The following ZDHHC2 variants were observed in gnomAD, a reference collection of about 807,000 sequenced individuals.
The protein encoded by ZDHHC2 is palmitoyltransferase ZDHHC2.
Under a neutral mutation model 55.6 loss-of-function variants are expected in ZDHHC2, and 51 were observed. The ratio of observed to expected loss-of-function variants is 0.92; its 90% CI spans 0.73 to 1.16. The LOEUF is 1.16. Ranked by LOEUF, ZDHHC2 falls within the 50% of genes most tolerant of loss-of-function variation. The pLI is 0.00. For missense variants in ZDHHC2, 491 were observed against 442.4 expected (o/e 1.11, Z -0.99); for synonymous variants, 199 against 152.9 (o/e 1.30, Z -2.22).
At chr8:17,157,571 T>C (rs549394921) in intron 1 of ZDHHC2, 1 of 152,320 alleles carries the variant, frequency 6.6e-6, no homozygotes, top group Admixed American at 6.5e-5. Flanking sequence ...GGTTCCTGAA[T>C]TGGTGGGTAG....
intron 2 of ZDHHC2, 59 bp from the exon 3 acceptor site, chr8:17,186,270 CTG>C: frequency 4.6e-6 from 5 of 1,097,686 alleles, no homozygotes; most frequent in Non-Finnish European, 5.3e-6. Flanking sequence ...TCGGTTGTGA[CTG>C]TCATAATTTT....
chr8:17,216,138 C>T (rs1385518257), intron 11 of ZDHHC2, among the ~76,000 whole-genome samples: 1 of 152,146 alleles, frequency 6.6e-6, no homozygotes, highest in African/African-American at 2.4e-5. Flanking sequence ...GCGTTATTAG[C>T]CAGAAAATCT....
chr8:17,213,669 T>C (rs772547360), intron 10 of ZDHHC2, among the ~76,000 whole-genome samples: 17 of 152,208 alleles, frequency 1.1e-4, no homozygotes, highest in Non-Finnish European at 2.2e-4. Flanking sequence ...ACAAAGACTT[T>C]GTTTATTAAA....
intron 1 of ZDHHC2, among the ~76,000 whole-genome samples, chr8:17,165,890 G>T (rs1048578520): frequency 6.6e-6 from 1 of 152,154 alleles, no homozygotes; most frequent in Non-Finnish European, 1.5e-5. Flanking sequence ...ATATATCTCC[G>T]GCCAGGGGAG....
At chr8:17,203,619 C>G (rs1806926098) in intron 6 of ZDHHC2, among the ~76,000 whole-genome samples, 1 of 152,152 alleles carries the variant, frequency 6.6e-6, no homozygotes, top group Non-Finnish European at 1.5e-5. Flanking sequence ...AGGGAATACC[C>G]TGTATCCTTT....
At chr8:17,192,170 G>A (rs1388079667) in intron 3 of ZDHHC2, among the ~76,000 whole-genome samples, 3 of 152,076 alleles carry the variant, frequency 2.0e-5, no homozygotes, top group Non-Finnish European at 2.9e-5. Flanking sequence ...ATTTTTTGTA[G>A]AGATGAGATT....
chr8:17,211,287 A>T (rs1266167991), intron 10 of ZDHHC2, among the ~76,000 whole-genome samples: 1 of 151,830 alleles, frequency 6.6e-6, no homozygotes, highest in East Asian at 1.9e-4. Context: ...TAACCATAAT[A>T]TCATTCTTCA....
chr8:17,181,560 C>T (rs1262519454), intron 1 of ZDHHC2, among the ~76,000 whole-genome samples: 1 of 152,144 alleles, frequency 6.6e-6, no homozygotes, highest in East Asian at 1.9e-4. Flanking sequence ...CTATACAACA[C>T]TTGAAATTTC....
chr8:17,167,193 C>G (rs771863138), intron 1 of ZDHHC2, among the ~76,000 whole-genome samples: 1 of 151,830 alleles, frequency 6.6e-6, no homozygotes, highest in Admixed American at 6.6e-5. Context: ...GGGTGGACAT[C>G]TCAAGCAACA....
intron 12 of ZDHHC2, among the ~76,000 whole-genome samples, chr8:17,219,667 G>A (rs1265179767): frequency 6.6e-6 from 1 of 152,152 alleles, no homozygotes; most frequent in African/African-American, 2.4e-5. Flanking sequence ...TCCAGAGGCT[G>A]AGGTGGGAGG....
intron 10 of ZDHHC2, among the ~76,000 whole-genome samples, chr8:17,213,051 C>T (rs1347779519): frequency 2.0e-5 from 3 of 152,086 alleles, no homozygotes; most frequent in Non-Finnish European, 4.4e-5. Flanking sequence ...TGCTGTTCCT[C>T]ACATGGACCA....
intron 9 of ZDHHC2, 116 bp from the exon 10 acceptor site, chr8:17,210,272 C>A: frequency 1.8e-6 from 2 of 1,128,844 alleles, no homozygotes; most frequent in Non-Finnish European, 2.5e-6. Context: ...ATGTCTAATA[C>A]ACATTTTTTT....
At chr8:17,166,863 T>C (rs1804626185) in intron 1 of ZDHHC2, among the ~76,000 whole-genome samples, 1 of 152,174 alleles carries the variant, frequency 6.6e-6, no homozygotes, top group Admixed American at 6.6e-5. Flanking sequence ...AACTTATTAC[T>C]GACTCTGATG....
rs56186014 is a variant in ZDHHC2 at position 17,187,168 on chromosome 8, A to G, written c.252+743A>G. ...TTAAACATGAGAGAAGAAGAGAAAT[A>G]TGGTTACTGAGAGACAACTAGCAAT... On this transcript the variant is annotated intron_variant, in intron 3 of 12. Transcript: ENST00000262096. Among the ~76,000 whole-genome samples the G allele has an allele frequency of 9.5e-3, 1,442 of 152,318 alleles. 20 individuals are homozygous for G. The highest frequency in any genetic ancestry group is 0.033 in the African/African-American group (1,367 of 41,570).
chr8:17,169,784 G>A lies in ZDHHC2; in HGVS notation c.130+12931G>A, dbSNP rs1804766095. Among the ~76,000 whole-genome samples the A allele has an allele frequency of 2.0e-5, 3 of 152,302 alleles. No individual in the cohort carries two copies. The South Asian group carries it at 6.2e-4, about 32-fold the overall frequency. On this transcript the variant is annotated intron_variant, in intron 1 of 12. Transcript: ENST00000262096. ...GAGATACAGGCGGGAAACCTGAGAT[G>A]CAGTTTACACATGGAGCAGAGGAAG... is the stretch of plus-strand genomic sequence containing the variant.
At position 17,210,491 on chromosome 8, in the gene ZDHHC2, A is replaced by G. The variant is rs531505615; in HGVS notation, c.950+11A>G. Reference sequence around the variant, plus strand: ...TTCCACAGCTAAAAAGTAATCTCATATTTTTTTTCATTTTACTTTCAAATA... The same window carrying G: ...TTCCACAGCTAAAAAGTAATCTCATGTTTTTTTTCATTTTACTTTCAAATA... On this transcript the variant is annotated intron_variant, in intron 10 of 12. Transcript: ENST00000262096. 6.4e-6 allele frequency: 10 copies of G among 1,566,686 alleles called. No individual in the cohort carries two copies. The South Asian group carries it at 8.2e-5, about 13-fold the overall frequency.
intron 3 of ZDHHC2, among the ~76,000 whole-genome samples, chr8:17,190,762 G>C (rs1805982196): frequency 6.6e-6 from 1 of 151,850 alleles, no homozygotes; most frequent in East Asian, 1.9e-4. Flanking sequence ...GGGTACCTGA[G>C]GTATTTTGAT....
At chr8:17,177,007 AG>A (rs1474435381) in intron 1 of ZDHHC2, among the ~76,000 whole-genome samples, 2 of 152,192 alleles carry the variant, frequency 1.3e-5, no homozygotes, top group Admixed American at 6.5e-5. Flanking sequence ...AAGGTCTGGA[AG>A]GGGTGTCACT....
chr8:17,197,103 A>G lies in ZDHHC2; in HGVS notation c.374-479A>G, dbSNP rs535024839. ...ATTTACCCTGTAAGGCTAAACAAAC[A>G]CTGCAGAAATTTAAGCCCCCTAGAA... On this transcript the variant is annotated intron_variant, in intron 4 of 12. Transcript: ENST00000262096. Among the ~76,000 whole-genome samples the G allele has an allele frequency of 4.7e-4, 72 of 152,184 alleles. 2 individuals carry two copies. Among genetic ancestry groups the G allele is most frequent in the Non-Finnish European group, 1.2e-4 (8 of 68,034 alleles).
Sources: allele counts gnomAD v4.1 joint callset (sites outside exome capture counted in the v4.1 genomes callset), GRCh38; gene constraint gnomAD v4.1.1; transcripts MANE v1.5; gene names NCBI Gene and HGNC (gene_info 2026-07-23, HGNC 2026-07-21).